Variants in USP13 observed in about 807,000 individuals in gnomAD.
USP13 encodes the protein ubiquitin specific peptidase 13.
Under a neutral mutation model 107.8 loss-of-function variants are expected in USP13, and 68 were observed. The ratio of observed to expected loss-of-function variants is 0.63; its 90% CI spans 0.52 to 0.77. The LOEUF is 0.77. Among genes scored for constraint, USP13 ranks in the 30% least tolerant of loss-of-function variants. The pLI, the probability that USP13 is intolerant of heterozygous loss-of-function variation, is 0.00. For missense variants in USP13, 945 were observed against 1,093.3 expected (o/e 0.86, Z 1.91); for synonymous variants, 377 against 389.5 (o/e 0.97, Z 0.38).
intron 4 of USP13, among the ~76,000 whole-genome samples, chr3:179,702,081 G>T (rs1018937352): frequency 6.6e-6 from 1 of 151,826 alleles, no homozygotes; most frequent in African/African-American, 2.4e-5. Context: ...GTGCCGTGGC[G>T]CGATCTCGGC....
At position 179,730,362 on chromosome 3, in the gene USP13, T is replaced by C. The variant is rs1199769699; in HGVS notation, c.1160+102T>C. ...GCAAAATTAAAGGCAATTCTTCATG[T>C]ATTTTTAAAAAAGTGTTCCAAAATG... On this transcript the variant is annotated intron_variant, in intron 9 of 20. Transcript: ENST00000263966. 2.4e-6 allele frequency: 3 copies of C among 1,229,454 alleles called. No individual in the cohort carries two copies. The East Asian group carries it at 7.1e-5, about 29-fold the overall frequency. The allele number at this position is 1,229,454 out of a possible 1,614,324, so 76.2% of individuals were successfully genotyped here.
intron 2 of USP13, among the ~76,000 whole-genome samples, chr3:179,689,130 C>T (rs1386034658): frequency 7.2e-5 from 11 of 152,186 alleles, no homozygotes; most frequent in Admixed American, 7.2e-4. Context: ...AAGGTCTCGA[C>T]ACCTGTGGCT....
Position 179,719,995 on chromosome 3 carries a change from C to G in USP13, c.861C>G (p.His287Gln). ...TTTTGGATCCTCATTTGGCCAAGCA[C>G]TTAGCGCATTTTGGAATTGATATGC... ...EPVLDPHLAK[H>Q]LAHFGIDMLH... The change falls in exon 7 of 21, where the codon CAC (histidine) becomes CAG (glutamine). Residue 287 changes from histidine (H) to glutamine (Q), a missense_variant. By Grantham distance (24) the His-to-Gln change is conservative. Coordinates refer to ENST00000263966, the MANE Select transcript of USP13 (RefSeq NM_003940.3). 1 of 1,614,030 alleles carries G rather than the reference C, an allele frequency of 6.2e-7. No individual in the cohort carries two copies. Among genetic ancestry groups the G allele is most frequent in the Non-Finnish European group, 8.5e-7 (1 of 1,179,980 alleles).
intron 1 of USP13, among the ~76,000 whole-genome samples, chr3:179,673,174 G>C: frequency 6.6e-6 from 1 of 152,136 alleles, no homozygotes; most frequent in Middle Eastern, 3.2e-3. Flanking sequence ...GTTTTATTTT[G>C]AGAATTCCCA....
At position 179,715,219 on chromosome 3, in the gene USP13, TCTCA is replaced by T. The variant is rs1250303893; in HGVS notation, c.806-4718_806-4715del. 2.6e-5 allele frequency among the ~76,000 whole-genome samples: 4 copies of T among 151,960 alleles called. 1 individual carries two copies. Among genetic ancestry groups the T allele is most frequent in the African/African-American group, 9.6e-5 (4 of 41,462 alleles). On this transcript the variant is annotated intron_variant, in intron 6 of 20. Transcript: ENST00000263966. ...TCTATTTTTTTAAATTGAGACAGAA[TCTCA>T]CTATGTTGCCCAGGCTGGTCTTGAA...
intron 12 of USP13, among the ~76,000 whole-genome samples, chr3:179,744,163 G>T (rs936546352): frequency 6.6e-6 from 1 of 152,104 alleles, no homozygotes; most frequent in African/African-American, 2.4e-5. Flanking sequence ...TCTCGGCAGT[G>T]TTGGTTACTG....
At chr3:179,730,797 A>C (rs879224715) in intron 10 of USP13, 88 bp downstream of exon 10, 3 of 1,227,940 alleles carry the variant, frequency 2.4e-6, no homozygotes, top group East Asian at 2.4e-5. Context: ...CATGGTGGCC[A>C]TAAATTTAGC....
intron 2 of USP13, among the ~76,000 whole-genome samples, chr3:179,689,637 G>T (rs770593716): frequency 6.6e-6 from 1 of 150,566 alleles, no homozygotes; most frequent in Non-Finnish European, 1.5e-5. Flanking sequence ...CAGCCTGGGC[G>T]ACTGTGTGAG....
At chr3:179,782,780 T>C (rs1464501556) in intron 20 of USP13, among the ~76,000 whole-genome samples, 1 of 152,206 alleles carries the variant, frequency 6.6e-6, no homozygotes, top group African/African-American at 2.4e-5. Context: ...AGTTTCACTC[T>C]TATTGCCCAG....
chr3:179,771,809 A>C (rs1012195465), intron 19 of USP13, among the ~76,000 whole-genome samples: 1 of 152,216 alleles, frequency 6.6e-6, no homozygotes, highest in African/African-American at 2.4e-5. Flanking sequence ...ATTAAAAATC[A>C]CTGTTTCCAT....
At chr3:179,668,949 T>C (rs1720664056) in intron 1 of USP13, among the ~76,000 whole-genome samples, 1 of 152,236 alleles carries the variant, frequency 6.6e-6, no homozygotes, top group Non-Finnish European at 1.5e-5. Flanking sequence ...GCTCTGGTTA[T>C]TGGAACACTC....
At chr3:179,683,917 A>G (rs1167838681) in intron 2 of USP13, among the ~76,000 whole-genome samples, 1 of 152,118 alleles carries the variant, frequency 6.6e-6, no homozygotes, top group Non-Finnish European at 1.5e-5. Context: ...CTATTCATAG[A>G]GCAGTACAAC....
intron 15 of USP13, among the ~76,000 whole-genome samples, chr3:179,755,255 T>C (rs955754146): frequency 2.6e-5 from 4 of 152,204 alleles, no homozygotes; most frequent in African/African-American, 9.6e-5. Context: ...AGTTTCTCTT[T>C]GACTCTGTGA....
intron 18 of USP13, 130 bp downstream of exon 18, chr3:179,764,298 A>G (rs1468757015): frequency 2.3e-6 from 3 of 1,329,312 alleles, no homozygotes. Context: ...TGTGAATCTC[A>G]TCATAGCCCA....
intron 1 of USP13, among the ~76,000 whole-genome samples, chr3:179,655,503 G>C (rs1720223298): frequency 6.7e-6 from 1 of 150,286 alleles, no homozygotes; most frequent in Non-Finnish European, 1.5e-5. Flanking sequence ...GGAAGGGAAG[G>C]TTTGATAATA....
chr3:179,727,963 T>C (rs1267914532), intron 8 of USP13, among the ~76,000 whole-genome samples: 11 of 47,132 alleles, frequency 2.3e-4, no homozygotes, highest in African/African-American at 4.5e-4. Flanking sequence ...GGCGGCTGGC[T>C]GGGCGGGGGG....
At chr3:179,695,958 T>G (rs77343045) in intron 3 of USP13, among the ~76,000 whole-genome samples, 85 of 152,336 alleles carry the variant, frequency 5.6e-4, no homozygotes, top group Non-Finnish European at 1.2e-3. Context: ...GGGAACATAT[T>G]GGTGCTCAAA....
rs940897977 is a variant in USP13, at chr3:179,740,371, A to G, written c.1379A>G (p.Glu460Gly). The change falls in exon 11 of 21, where the codon GAG becomes GGG. Residue 460 changes from glutamate to glycine, a missense_variant and splice_region_variant. Physicochemically the swap from Glu to Gly is moderately conservative, Grantham distance 98. Coordinates refer to ENST00000263966, the MANE Select transcript of USP13 (RefSeq NM_003940.3). Reference protein sequence around the residue: ...EFFLHLVNLVERNRIGSENPS... With the variant: ...EFFLHLVNLVGRNRIGSENPS... Reference sequence around the variant, plus strand: ...TTCTTGCACCTGGTGAATCTAGTAGAGGTGAGTAGTCAGTCTTCACGGATG... The same window carrying G: ...TTCTTGCACCTGGTGAATCTAGTAGGGGTGAGTAGTCAGTCTTCACGGATG... 6.2e-7 allele frequency: 1 copy of G among 1,614,006 alleles called. No homozygotes were observed.
intron 3 of USP13, 50 bp from the exon 4 acceptor site, chr3:179,700,942 AGTGCTGCCATAGTGTG>A: frequency 6.6e-7 from 1 of 1,523,296 alleles, no homozygotes; most frequent in Non-Finnish European, 8.8e-7. Flanking sequence ...TTTTCCAGTG[AGTGCTGCCATAGTGTG>A]GGATATTATT....
Sources: allele counts gnomAD v4.1 joint callset (sites outside exome capture counted in the v4.1 genomes callset), GRCh38; gene constraint gnomAD v4.1.1; transcripts MANE v1.5; gene names NCBI Gene and HGNC (gene_info 2026-07-23, HGNC 2026-07-21).